The following MDGA2 variants were observed in gnomAD, a reference collection of about 807,000 sequenced individuals.
MDGA2 encodes MAM domain containing glycosylphosphatidylinositol anchor 2, also known as MAM domain-containing glycosylphosphatidylinositol anchor protein 2.
A neutral mutation model predicts 117.8 loss-of-function variants in MDGA2; 40 were observed. That is an observed-to-expected ratio of 0.34 (90% confidence interval 0.26 to 0.44). The LOEUF (loss-of-function observed/expected upper bound fraction) is 0.44. Among genes scored for constraint, MDGA2 ranks in the 20% least tolerant of loss-of-function variants. The pLI is 1.00. For missense variants in MDGA2, 1,123 were observed against 1,250.6 expected, an observed-to-expected ratio of 0.90 and a Z score of 1.54; for synonymous variants, 452 against 439.0, an observed-to-expected ratio of 1.03 and a Z score of -0.37.
chr14:47,237,001 G>C (rs969114688), intron 2 of MDGA2, among the ~76,000 whole-genome samples: 2 of 152,094 alleles, frequency 1.3e-5, no homozygotes, highest in African/African-American at 4.8e-5. Context: ...CAAATACCCT[G>C]AATGTGGAGT....
In MDGA2 at chr14:47,176,978, A is replaced by G. The variant is rs970215019; in HGVS notation, c.596-32704T>C. Reference sequence around the variant, plus strand: ...AAGAAAAAAACAAACAACCCCATCAAAAAGTGGGCGAAGGACATGAACAGA... The same window carrying G: ...AAGAAAAAAACAAACAACCCCATCAGAAAGTGGGCGAAGGACATGAACAGA... On this transcript the variant is annotated intron_variant, in intron 3 of 16. Transcript: ENST00000399232. Among the ~76,000 whole-genome samples, 492 of 152,256 alleles carry G rather than the reference A, an allele frequency of 3.2e-3. 2 individuals carry two copies. The highest frequency in any genetic ancestry group is 0.011 in the African/African-American group (469 of 41,548).
chr14:47,074,728 C>T (rs1010998969), intron 6 of MDGA2, among the ~76,000 whole-genome samples: 1 of 152,190 alleles, frequency 6.6e-6, no homozygotes, highest in African/African-American at 2.4e-5. Flanking sequence ...AATTATACTT[C>T]CATTTCCTTT....
intron 3 of MDGA2, among the ~76,000 whole-genome samples, chr14:47,177,706 C>A (rs1033626538): frequency 5.9e-5 from 9 of 152,022 alleles, no homozygotes; most frequent in Non-Finnish European, 1.5e-5. Context: ...TGCTAAGTGA[C>A]AAGTTAATGG....
chr14:47,002,191 C>G (rs1358723140), intron 8 of MDGA2, among the ~76,000 whole-genome samples: 3 of 151,942 alleles, frequency 2.0e-5, no homozygotes, highest in Admixed American at 2.0e-4. Flanking sequence ...CAATGTAAAA[C>G]TAGTAACAAA....
chr14:47,479,941 C>T (rs738), intron 1 of MDGA2, among the ~76,000 whole-genome samples: 6,605 of 152,084 alleles, frequency 0.043, 190 homozygotes, highest in Middle Eastern at 0.071. Flanking sequence ...TTCCTTGCCA[C>T]TGTATAGGTT....
rs188032263 is a variant in MDGA2 at position 47,295,109 on chromosome 14, A to C, written c.420+6302T>G. On this transcript the variant is annotated intron_variant, in intron 2 of 16. Transcript: ENST00000399232. ...TGGATTTACATAATTATTTTTAAAG[A>C]GTGGCTTTCAAAAATATTTTAGTGA... Among the ~76,000 whole-genome samples the C allele has an allele frequency of 2.1e-3, 314 of 152,360 alleles. 2 individuals carry two copies. The highest frequency in any genetic ancestry group is 7.1e-3 in the African/African-American group (295 of 41,596).
chr14:47,508,851 T>A (rs953213265), intron 1 of MDGA2, among the ~76,000 whole-genome samples: 19 of 152,180 alleles, frequency 1.2e-4, no homozygotes, highest in African/African-American at 4.3e-4. Context: ...GGCTAATTTT[T>A]AAATTTTTTT....
chr14:47,158,704 C>T (rs1160629547), intron 3 of MDGA2, among the ~76,000 whole-genome samples: 1 of 152,160 alleles, frequency 6.6e-6, no homozygotes, highest in Non-Finnish European at 1.5e-5. Context: ...ATCAGCGTGC[C>T]TCGGCCTCCC....
intron 3 of MDGA2, among the ~76,000 whole-genome samples, chr14:47,158,976 C>A (rs1566656515): frequency 6.6e-6 from 1 of 152,086 alleles, no homozygotes; most frequent in Non-Finnish European, 1.5e-5. Context: ...AAATATATGA[C>A]ATTCTGGAAA....
At chr14:47,384,025 T>TCATAGA in intron 1 of MDGA2, among the ~76,000 whole-genome samples, 1 of 143,956 alleles carries the variant, frequency 6.9e-6, no homozygotes, top group South Asian at 2.2e-4. Flanking sequence ...AATAGATAGA[T>TCATAGA]TAGATAAAGA....
chr14:47,357,585 A>T (rs1204542162), intron 1 of MDGA2, among the ~76,000 whole-genome samples: 1 of 152,192 alleles, frequency 6.6e-6, no homozygotes, highest in Admixed American at 6.5e-5. Flanking sequence ...CATTCCTTCA[A>T]CCAGAAGGGT....
intron 8 of MDGA2, among the ~76,000 whole-genome samples, chr14:47,011,551 T>C (rs914752590): frequency 5.3e-5 from 8 of 152,134 alleles, no homozygotes; most frequent in East Asian, 3.9e-4. Context: ...CTGGGAGTTC[T>C]AGAAATAAAT....
intron 10 of MDGA2, among the ~76,000 whole-genome samples, chr14:46,910,335 G>A (rs10144985): frequency 0.025 from 3,748 of 152,050 alleles, 152 homozygotes; most frequent in African/African-American, 0.085. Flanking sequence ...TGAAAAAAAA[G>A]AACAGCTTTT....
At chr14:47,248,235 A>G (rs1887316800) in intron 2 of MDGA2, among the ~76,000 whole-genome samples, 1 of 151,618 alleles carries the variant, frequency 6.6e-6, no homozygotes, top group Non-Finnish European at 1.5e-5. Flanking sequence ...AATATAACAT[A>G]TATTATACAA....
intron 1 of MDGA2, among the ~76,000 whole-genome samples, chr14:47,443,733 C>T (rs1893063302): frequency 6.6e-6 from 1 of 152,074 alleles, no homozygotes; most frequent in Admixed American, 6.6e-5. Context: ...CAGTAAGCTG[C>T]CCCTTGCAAA....
Position 46,841,754 on chromosome 14 carries a change from C to G in MDGA2, c.*177G>C. 2.3e-6 allele frequency: 1 copy of G among 432,978 alleles called. No individual in the cohort carries two copies. The highest frequency in any genetic ancestry group is 4.2e-6 in the Non-Finnish European group (1 of 238,646). 26.8% of individuals were successfully genotyped at this position (432,978 alleles called of 1,614,324 possible). A position where few individuals can be genotyped will look rare whatever the true frequency, so the allele number is the denominator to read the frequency against. On this transcript the variant is annotated 3_prime_UTR_variant, in exon 17 of 17. Transcript: ENST00000399232. The stretch of plus-strand genomic sequence containing the variant: ...TATGTTTAGTCTGGAATAAGTTATA[C>G]TTCCATGATGTCTTTTTATCCCCAG...
At chr14:47,232,352 A>C (rs1886720068) in intron 2 of MDGA2, among the ~76,000 whole-genome samples, 1 of 151,998 alleles carries the variant, frequency 6.6e-6, no homozygotes, top group African/African-American at 2.4e-5. Context: ...CTAACAGAAG[A>C]AGCAGTTCTC....
chr14:47,339,549 G>C (rs1033209264), intron 1 of MDGA2, among the ~76,000 whole-genome samples: 2 of 152,006 alleles, frequency 1.3e-5, no homozygotes, highest in Admixed American at 1.3e-4. Flanking sequence ...CTGTGTGCCT[G>C]TGAAATCTGG....
intron 3 of MDGA2, among the ~76,000 whole-genome samples, chr14:47,217,645 T>C (rs1177091924): frequency 1.3e-5 from 2 of 151,724 alleles, no homozygotes; most frequent in Non-Finnish European, 2.9e-5. Context: ...GTAAAAAAAA[T>C]AAACATAAGT....
Sources: gnomAD v4.1 joint callset for allele counts (sites outside exome capture counted in the v4.1 genomes callset) on GRCh38, gnomAD v4.1.1 for gene constraint, MANE v1.5 for transcripts, NCBI Gene and HGNC (gene_info 2026-07-23, HGNC 2026-07-21) for gene names.